The following CUX1 variants were observed in gnomAD, a reference collection of about 807,000 sequenced individuals.
The protein encoded by CUX1 is protein CASP.
Under a neutral mutation model 158.8 loss-of-function variants are expected in CUX1, and 31 were observed. The observed-to-expected ratio is 0.20, with a 90% confidence interval of 0.15 to 0.26. The LOEUF (loss-of-function observed/expected upper bound fraction) is 0.26. CUX1 is among the 10% of genes least tolerant of loss of function. The pLI is 1.00. For synonymous variants in CUX1, 879 were observed against 862.1 expected (o/e 1.02, Z -0.34); for missense variants, 1,589 against 2,014.6 (o/e 0.79, Z 4.04).
intron 2 of CUX1, among the ~76,000 whole-genome samples, chr7:101,922,915 A>G (rs1805128803): frequency 6.6e-6 from 1 of 152,246 alleles, no homozygotes; most frequent in Non-Finnish European, 1.5e-5. Context: ...TGGTGTTAGA[A>G]TCATGTATGT....
Position 101,916,035 on chromosome 7 carries a change from C to G in CUX1, c.31-80C>G. 2 of 983,076 alleles carry G rather than the reference C, an allele frequency of 2.0e-6. No individual in the cohort carries two copies. Among genetic ancestry groups the G allele is most frequent in the Non-Finnish European group, 3.3e-6 (2 of 611,900 alleles). The allele number at this position is 983,076 out of a possible 1,614,324, so 60.9% of individuals were successfully genotyped here. ...CCACTGGGGTCTCTCCCCCAGTGTTCTGGTCAAATGCAAATAGGACCCTCC... is the reference window on the plus strand; with the variant it reads ...CCACTGGGGTCTCTCCCCCAGTGTTGTGGTCAAATGCAAATAGGACCCTCC... On this transcript the variant is annotated intron_variant, in intron 1 of 23. Transcript: ENST00000292535. This position sits in a 1 kb window ranked among gnomAD's most constrained non-coding sequence, Gnocchi z 4.4.
In CUX1 at chr7:102,248,781, C is replaced by T. The variant is rs1801116957; in HGVS notation, c.4257C>T (p.Asp1419=). Residue 1419 remains aspartate (D), a synonymous_variant, in exon 24 of 24, where the codon GAC becomes GAT. Transcript: ENST00000292535. The surrounding 1 kb of genome is among the most constrained non-coding windows in gnomAD (Gnocchi z 5.8). ...TATAAPAAPE[D]AATSAAAAPG... ...CCGCCGCGCCCGCGGCCCCCGAGGA[C>T]GCCGCTACCTCAGCCGCCGCCGCGC... is the stretch of plus-strand genomic sequence containing the variant. 6 of 1,055,358 alleles carry T rather than the reference C, an allele frequency of 5.7e-6. No individual in the cohort carries two copies. The highest frequency in any genetic ancestry group is 5.6e-5 in the Admixed American group (1 of 17,914). 65.4% of individuals were successfully genotyped at this position (1,055,358 alleles called of 1,614,324 possible).
At chr7:102,224,128 G>A (rs1798114304) in intron 20 of CUX1, among the ~76,000 whole-genome samples, 2 of 152,232 alleles carry the variant, frequency 1.3e-5, no homozygotes, top group Admixed American at 1.3e-4. Context: ...AGCCACAACT[G>A]TGCATGCAGA....
intron 18 of CUX1, among the ~76,000 whole-genome samples, chr7:102,279,528 G>A (rs1200960631): frequency 6.6e-6 from 1 of 152,092 alleles, no homozygotes; most frequent in African/African-American, 2.4e-5. Context: ...TTCTATGAGT[G>A]AGAGAAGAGC....
intron 4 of CUX1, among the ~76,000 whole-genome samples, chr7:102,080,607 T>C (rs1827274834): frequency 6.6e-6 from 1 of 152,136 alleles, no homozygotes; most frequent in Non-Finnish European, 1.5e-5. Flanking sequence ...GATTGGCTTT[T>C]TCAGCCCTCA....
intron 1 of CUX1, among the ~76,000 whole-genome samples, chr7:101,899,925 G>A (rs552449188): frequency 9.2e-5 from 14 of 152,320 alleles, no homozygotes; most frequent in Non-Finnish European, 1.3e-4. Flanking sequence ...ATCACATAGC[G>A]GCAGGAGCTG....
chr7:102,273,331 C>T, intron 14 of CUX1: 1 of 1,604,192 alleles, frequency 6.2e-7, no homozygotes, highest in Non-Finnish European at 8.5e-7. Context: ...TCCCACCAGG[C>T]TCCCTCTGAC....
intron 5 of CUX1, among the ~76,000 whole-genome samples, chr7:102,102,154 C>G (rs1829846137): frequency 6.6e-6 from 1 of 152,012 alleles, no homozygotes; most frequent in Admixed American, 6.6e-5. Context: ...GGAAAGTTGC[C>G]CAGTCCCCTC....
chr7:101,944,831 A>G (rs1808182881), intron 2 of CUX1, among the ~76,000 whole-genome samples: 1 of 152,202 alleles, frequency 6.6e-6, no homozygotes. Flanking sequence ...CCCAGGTTGC[A>G]TCTGTCGCCA....
chr7:102,023,143 G>C (rs1191216196), intron 2 of CUX1, among the ~76,000 whole-genome samples: 1 of 151,992 alleles, frequency 6.6e-6, no homozygotes, highest in African/African-American at 2.4e-5. Context: ...TGAACCTGGG[G>C]GGTGGAGGTT....
chr7:101,869,147 T>C lies in CUX1; in HGVS notation c.31-46968T>C, dbSNP rs1798220855. Among the ~76,000 whole-genome samples the C allele has an allele frequency of 6.6e-6, 1 of 151,128 alleles. No homozygotes were observed. The stretch of plus-strand genomic sequence containing the variant: ...CAGAAGGAGTGGGAGTCATTCCACC[T>C]GGGATGTGGGAATGGCTGGTGGGGG... On this transcript the variant is annotated intron_variant, in intron 1 of 23. Coordinates refer to ENST00000292535, the MANE Select transcript of CUX1 (RefSeq NM_181552.4). This position sits in a 1 kb window ranked among gnomAD's most constrained non-coding sequence, Gnocchi z 4.5.
intron 1 of CUX1, among the ~76,000 whole-genome samples, chr7:101,879,038 T>C (rs888670346): frequency 2.4e-4 from 36 of 152,320 alleles, no homozygotes; most frequent in Admixed American, 2.2e-3. Context: ...GAGAAGCCCA[T>C]TCGTACTGTG....
intron 1 of CUX1, among the ~76,000 whole-genome samples, chr7:101,821,065 G>A (rs934611318): frequency 3.9e-5 from 6 of 152,074 alleles, no homozygotes; most frequent in African/African-American, 1.4e-4. Context: ...ATAATGGAGT[G>A]AAAAAGGAAT....
rs569263156 is a variant in CUX1, at chr7:102,141,315, G to A, written c.675-17245G>A. On this transcript the variant is annotated intron_variant, in intron 8 of 23. Transcript: ENST00000292535. The stretch of plus-strand genomic sequence containing the variant: ...TCACTTCCCAGCCCTGCGGGGTACA[G>A]GAAACCACCAGCTAACTTAAGTGCA... Among the ~76,000 whole-genome samples, 5 of 152,308 alleles carry A rather than the reference G, an allele frequency of 3.3e-5. No individual in the cohort carries two copies. In the East Asian group the frequency reaches 5.8e-4, roughly 18 times the overall value.
chr7:102,254,428 T>C lies in CUX1; in HGVS notation c.*5386T>C, dbSNP rs1250738976. 7 of 985,366 alleles carry C rather than the reference T, an allele frequency of 7.1e-6. No homozygotes were observed. In the East Asian group the frequency reaches 4.6e-4, roughly 64 times the overall value. The allele number at this position is 985,366 out of a possible 1,614,324, so 61.0% of individuals were successfully genotyped here. The stretch of plus-strand genomic sequence containing the variant: ...TCAAAGACGGAAAAGGATAGATGGC[T>C]TCCTCCAGCCTACACGCCCCGTCCA... On this transcript the variant is annotated 3_prime_UTR_variant, in exon 24 of 24. Transcript: ENST00000292535.
intron 8 of CUX1, among the ~76,000 whole-genome samples, chr7:102,115,823 C>G (rs1291345223): frequency 6.6e-6 from 1 of 152,056 alleles, no homozygotes; most frequent in Non-Finnish European, 1.5e-5. Context: ...TTTTACCCGC[C>G]CATCTTTCAT....
At chr7:102,192,476 CTT>C (rs1794384087) in intron 12 of CUX1, among the ~76,000 whole-genome samples, 3 of 152,150 alleles carry the variant, frequency 2.0e-5, no homozygotes, top group Non-Finnish European at 4.4e-5. Flanking sequence ...GCCACGTGGT[CTT>C]TTATTACATA....
At chr7:101,841,548 T>TTTTATTTA (rs528663893) in intron 1 of CUX1, among the ~76,000 whole-genome samples, 5 of 151,480 alleles carry the variant, frequency 3.3e-5, no homozygotes, top group African/African-American at 7.3e-5. Context: ...TTTTATTTCA[T>TTTTATTTA]TTTATTTATT....
In CUX1 at chr7:102,248,945, A is replaced by AC; in HGVS notation, c.4426dup (p.Leu1476ProfsTer75). The AC allele has an allele frequency of 1.3e-6, 2 of 1,486,588 alleles. No homozygotes were observed. The highest frequency in any genetic ancestry group is 2.1e-5 in the Admixed American group (1 of 46,888). The allele number at this position is 1,486,588 out of a possible 1,614,324, so 92.1% of individuals were successfully genotyped here. A position where few individuals can be genotyped will look rare whatever the true frequency, so the allele number is the denominator to read the frequency against. ...GCGGGCGCCCGGGACTCGCGCGACAACCCCCTGCGCAAGAAGAAGGCCGCG... is the reference window on the plus strand; with the variant it reads ...GCGGGCGCCCGGGACTCGCGCGACAACCCCCCTGCGCAAGAAGAAGGCCGCG... On this transcript the variant is annotated frameshift_variant, in exon 24 of 24. Coordinates refer to ENST00000292535, the MANE Select transcript of CUX1 (RefSeq NM_181552.4). LOFTEE classifies it high-confidence loss of function. This position sits in a 1 kb window ranked among gnomAD's most constrained non-coding sequence, Gnocchi z 5.8.
Sources: allele counts gnomAD v4.1 joint callset (sites outside exome capture counted in the v4.1 genomes callset), GRCh38; gene constraint gnomAD v4.1.1; non-coding constraint Gnocchi (gnomAD v3.1); transcripts MANE v1.5; gene names NCBI Gene and HGNC (gene_info 2026-07-23, HGNC 2026-07-21).